Variants in ERI1 observed in about 807,000 individuals in gnomAD.
ERI1 encodes the protein exoribonuclease 1.
A neutral mutation model predicts 39.7 loss-of-function variants in ERI1; 39 were observed. The ratio of observed to expected loss-of-function variants is 0.98; its 90% CI spans 0.76 to 1.28. The LOEUF is 1.28. ERI1 is among the 50% of genes most tolerant of loss of function. ERI1 has a pLI of 0.00. For synonymous variants in ERI1, 204 were observed against 149.6 expected, an observed-to-expected ratio of 1.36 and a Z score of -2.65; for missense variants, 581 against 416.9, an observed-to-expected ratio of 1.39 and a Z score of -3.43.
intron 1 of ERI1, among the ~76,000 whole-genome samples, chr8:9,004,540 C>T (rs1303409460): frequency 6.8e-6 from 1 of 146,036 alleles, no homozygotes; most frequent in African/African-American, 2.6e-5. Flanking sequence ...TTGCCCTCTC[C>T]CGTAGTCCCA....
chr8:9,043,946 A>C (rs1798100398), intron 3 of ERI1, among the ~76,000 whole-genome samples: 1 of 152,236 alleles, frequency 6.6e-6, no homozygotes, highest in Non-Finnish European at 1.5e-5. Context: ...TAAGTTTCAA[A>C]AGAGGCCTAC....
intron 3 of ERI1, among the ~76,000 whole-genome samples, chr8:9,053,686 G>A (rs1798425731): frequency 6.6e-6 from 1 of 152,188 alleles, no homozygotes; most frequent in African/African-American, 2.4e-5. Context: ...ACTGGCCCTG[G>A]ACGTTTTGTG....
chr8:9,055,528 G>A (rs1262023200), intron 3 of ERI1, among the ~76,000 whole-genome samples: 1 of 152,178 alleles, frequency 6.6e-6, no homozygotes, highest in Admixed American at 6.5e-5. Flanking sequence ...TTTATGGCCG[G>A]CTGATACATT....
intron 3 of ERI1, among the ~76,000 whole-genome samples, chr8:9,013,940 C>T (rs1816953612): frequency 6.6e-6 from 1 of 152,170 alleles, no homozygotes; most frequent in Non-Finnish European, 1.5e-5. Context: ...ATGTGACTTA[C>T]TGCATTCGCC....
In ERI1 at chr8:9,030,212, ATTCT is replaced by A. The variant is rs1391982673; in HGVS notation, c.*181_*184del. On this transcript the variant is annotated 3_prime_UTR_variant, in exon 7 of 7. Coordinates refer to ENST00000250263, the MANE Select transcript of ERI1 (RefSeq NM_153332.4). ...CAGATTTTGTAGGAAGGCATACTGA[ATTCT>A]TTGTCACCAGCACTTTTGATATGAA... is the stretch of plus-strand genomic sequence containing the variant. The A allele has an allele frequency of 7.8e-6, 6 of 772,918 alleles. No homozygotes were observed. Among genetic ancestry groups the A allele is most frequent in the East Asian group, 2.7e-5 (1 of 36,640 alleles). 47.9% of individuals were successfully genotyped at this position (772,918 alleles called of 1,614,324 possible). A position where few individuals can be genotyped will look rare whatever the true frequency, so the allele number is the denominator to read the frequency against.
intron 3 of ERI1, among the ~76,000 whole-genome samples, chr8:9,058,736 G>T (rs1168559667): frequency 2.0e-5 from 3 of 151,768 alleles, no homozygotes; most frequent in African/African-American, 7.3e-5. Flanking sequence ...GTTGTTGTTA[G>T]AACAACTCAG....
intron 3 of ERI1, among the ~76,000 whole-genome samples, chr8:9,048,271 G>A (rs939467789): frequency 8.1e-6 from 1 of 122,718 alleles, no homozygotes; most frequent in Non-Finnish European, 1.9e-5. Context: ...TGGGCATAGG[G>A]ATTTGTTTTT....
intron 3 of ERI1, among the ~76,000 whole-genome samples, chr8:9,040,031 G>A (rs1191279357): frequency 6.6e-6 from 1 of 151,978 alleles, no homozygotes; most frequent in Non-Finnish European, 1.5e-5. Context: ...ACTGTCCAAG[G>A]GTATTTTTCC....
At chr8:9,085,165 G>A (rs1048813302) in intron 3 of ERI1, among the ~76,000 whole-genome samples, 1 of 152,068 alleles carries the variant, frequency 6.6e-6, no homozygotes, top group African/African-American at 2.4e-5. Context: ...TACATTCTGT[G>A]CCCACCGCTT....
chr8:9,010,701 C>T (rs564514997), intron 2 of ERI1, among the ~76,000 whole-genome samples: 16 of 152,134 alleles, frequency 1.1e-4, no homozygotes, highest in Non-Finnish European at 1.3e-4. Flanking sequence ...ATTTATATAA[C>T]GCTGAAGGAA....
At chr8:9,065,987 T>C (rs886196148) in intron 3 of ERI1, among the ~76,000 whole-genome samples, 2 of 152,102 alleles carry the variant, frequency 1.3e-5, no homozygotes, top group Non-Finnish European at 2.9e-5. Context: ...GGTGAATAGG[T>C]CACGGCCGCC....
chr8:9,058,378 G>C (rs1030059166), intron 3 of ERI1, among the ~76,000 whole-genome samples: 3 of 152,166 alleles, frequency 2.0e-5, no homozygotes, highest in African/African-American at 4.8e-5. Flanking sequence ...AGTTAAACCA[G>C]GAACACATTT....
rs146209742 is a variant in ERI1 at position 9,052,028 on chromosome 8, C to T, written n.299+31564C>T. Among the ~76,000 whole-genome samples, 37 of 152,222 alleles carry T rather than the reference C, an allele frequency of 2.4e-4. 1 individual carries two copies. The East Asian group carries it at 7.0e-3, about 29-fold the overall frequency. On this transcript the variant is annotated intron_variant and non_coding_transcript_variant, in intron 3 of 3. Transcript: ENST00000518663. The stretch of plus-strand genomic sequence containing the variant: ...CATGCCAGCCCAGATCTCATAGGGT[C>T]GTAGTGAGAAATGAAAGAATTAATG...
At chr8:9,084,439 C>T (rs962914615) in intron 3 of ERI1, among the ~76,000 whole-genome samples, 2 of 152,172 alleles carry the variant, frequency 1.3e-5, no homozygotes, top group African/African-American at 4.8e-5. Flanking sequence ...TAAACCTGAA[C>T]ATTGGTTGCC....
chr8:9,026,648 C>A (rs774831834), intron 6 of ERI1, among the ~76,000 whole-genome samples: 54 of 152,022 alleles, frequency 3.6e-4, no homozygotes, highest in Admixed American at 2.0e-4. Context: ...CTGAAATGCT[C>A]CAAAAATCTG....
intron 3 of ERI1, among the ~76,000 whole-genome samples, chr8:9,064,605 G>A (rs935060987): frequency 6.6e-6 from 1 of 152,200 alleles, no homozygotes; most frequent in Non-Finnish European, 1.5e-5. Flanking sequence ...TTGAGGGATA[G>A]TGAGAGAGGT....
intron 6 of ERI1, 79 bp downstream of exon 6, chr8:9,020,543 T>G (rs572786923): frequency 1.2e-6 from 1 of 857,928 alleles, no homozygotes; most frequent in East Asian, 2.9e-5. Flanking sequence ...AGATTGTAAT[T>G]TTCCAGGTGT....
At chr8:9,077,067 A>C (rs1799232020) in intron 3 of ERI1, among the ~76,000 whole-genome samples, 1 of 152,232 alleles carries the variant, frequency 6.6e-6, no homozygotes, top group Non-Finnish European at 1.5e-5. Flanking sequence ...AGTGTTACTT[A>C]TCTGCTGGTC....
chr8:9,037,646 C>T (rs929856653), downstream of ERI1, among the ~76,000 whole-genome samples: 4 of 151,974 alleles, frequency 2.6e-5, no homozygotes, highest in Non-Finnish European at 5.9e-5. Context: ...AGTACCTGTT[C>T]CTGAAATTGC....
Sources: allele counts gnomAD v4.1 joint callset (sites outside exome capture counted in the v4.1 genomes callset), GRCh38; gene constraint gnomAD v4.1.1; transcripts MANE v1.5; gene names NCBI Gene and HGNC (gene_info 2026-07-23, HGNC 2026-07-21).